Variants in SH3BP2 observed in about 807,000 individuals in gnomAD.
SH3BP2 encodes SH3 domain-binding protein 2.
Under a neutral mutation model 56.2 loss-of-function variants are expected in SH3BP2, and 38 were observed. The ratio of observed to expected loss-of-function variants is 0.68; its 90% CI spans 0.52 to 0.89. The LOEUF is 0.89. Ranked by LOEUF, SH3BP2 falls within the 40% of genes least tolerant of loss-of-function variation. The pLI, the probability that SH3BP2 is intolerant of heterozygous loss-of-function variation, is 0.00. For missense variants in SH3BP2, 748 were observed against 762.6 expected, an observed-to-expected ratio of 0.98 and a Z score of 0.23; for synonymous variants, 346 against 316.7, an observed-to-expected ratio of 1.09 and a Z score of -0.98.
In SH3BP2 at chr4:2,833,871, A is replaced by G. The variant is rs1306871669; in HGVS notation, c.*37A>G. 13 of 1,535,416 alleles carry G rather than the reference A, an allele frequency of 8.5e-6. No individual in the cohort carries two copies. The highest frequency in any genetic ancestry group is 1.4e-5 in the African/African-American group (1 of 72,890). On this transcript the variant is annotated 3_prime_UTR_variant, in exon 13 of 13. Transcript: ENST00000503393. ...GTGGCTGCCAGGCCAAGGCAGTCACAGGGGCCCTGACCCCAGGCCACACAG... is the reference window on the plus strand; with the variant it reads ...GTGGCTGCCAGGCCAAGGCAGTCACGGGGGCCCTGACCCCAGGCCACACAG...
intron 1 of SH3BP2, chr4:2,818,882 T>C (rs2108723618): frequency 1.0e-6 from 1 of 985,608 alleles, no homozygotes; most frequent in South Asian, 4.7e-5. Context: ...TCTTGCACTT[T>C]TGTTGGAGGG....
rs1409351310 is a variant in SH3BP2, at chr4:2,834,970, A to G, written c.*1136A>G. 6.6e-6 allele frequency: 1 copy of G among 152,332 alleles called. No individual in the cohort carries two copies. Among genetic ancestry groups the G allele is most frequent in the Non-Finnish European group, 1.5e-5 (1 of 68,132 alleles). The allele number at this position is 152,332 out of a possible 1,614,324, so 9.4% of individuals were successfully genotyped here. A position where few individuals can be genotyped will look rare whatever the true frequency, so the allele number is the denominator to read the frequency against. Reference sequence around the variant, plus strand: ...AGGGACGGTGGTACCCAGATGCCCAAGTCTTCCAGGCAATACCTGGCTCAG... The same window carrying G: ...AGGGACGGTGGTACCCAGATGCCCAGGTCTTCCAGGCAATACCTGGCTCAG... On this transcript the variant is annotated 3_prime_UTR_variant, in exon 13 of 13. Coordinates refer to ENST00000503393, the MANE Select transcript of SH3BP2 (RefSeq NM_001122681.2).
intron 1 of SH3BP2, among the ~76,000 whole-genome samples, chr4:2,793,493 C>G (rs1260836662): frequency 1.4e-4 from 21 of 145,178 alleles, no homozygotes; most frequent in African/African-American, 4.9e-4. Flanking sequence ...GGGCAGTGCC[C>G]GAGGGAGCGC....
chr4:2,823,296 G>GC (rs1724409950), intron 3 of SH3BP2: 3 of 567,338 alleles, frequency 5.3e-6, no homozygotes, highest in Non-Finnish European at 1.0e-5. Context: ...GGCCTGGACA[G>GC]CCTGCTCTCC....
chr4:2,803,813 C>T (rs115369762), intron 1 of SH3BP2, among the ~76,000 whole-genome samples: 7,346 of 152,246 alleles, frequency 0.048, 213 homozygotes, highest in Admixed American at 0.074. Flanking sequence ...GCTCCCAGGA[C>T]GCTGGCGGAT....
intron 1 of SH3BP2, chr4:2,796,320 G>A: frequency 1.4e-6 from 1 of 739,178 alleles, no homozygotes; most frequent in Non-Finnish European, 1.7e-6. Flanking sequence ...AGGTGGTGCA[G>A]GCTCCCAGGA....
chr4:2,806,669 C>T (rs919073649), intron 1 of SH3BP2, among the ~76,000 whole-genome samples: 5 of 152,224 alleles, frequency 3.3e-5, no homozygotes, highest in Non-Finnish European at 4.4e-5. Context: ...GCCCTGGCCT[C>T]CTCCCTCCAG....
intron 12 of SH3BP2, 54 bp downstream of exon 12, chr4:2,833,103 C>G (rs1725085513): frequency 6.5e-7 from 1 of 1,537,164 alleles, no homozygotes; most frequent in East Asian, 2.2e-5. Flanking sequence ...TGGCAAGGGG[C>G]AGGGCAGAAT....
Position 2,829,413 on chromosome 4 carries a change from G to T in SH3BP2, c.587-80G>T. 6.6e-7 allele frequency: 1 copy of T among 1,510,236 alleles called. No homozygotes were observed. Among genetic ancestry groups the T allele is most frequent in the South Asian group, 1.1e-5 (1 of 88,990 alleles). 93.6% of individuals were successfully genotyped at this position (1,510,236 alleles called of 1,614,324 possible). A position where few individuals can be genotyped will look rare whatever the true frequency, so the allele number is the denominator to read the frequency against. On this transcript the variant is annotated intron_variant, in intron 7 of 12. Coordinates refer to ENST00000503393, the MANE Select transcript of SH3BP2 (RefSeq NM_001122681.2). This position sits in a 1 kb window ranked among gnomAD's most constrained non-coding sequence, Gnocchi z 4.9. ...CTACCATGGGTTGCACTCCTGGTTG[G>T]CCTGGCTGACCACTGCCAGCAGAGG...
rs906524362 is a variant in SH3BP2, at chr4:2,804,544, G to A, written c.-5+11406G>A. ...AGCCCCTGCTTCCCCAGGCCTTCCTGTCCTGCTGAGCTGGGCCCTGCGGTA... is the reference window on the plus strand; with the variant it reads ...AGCCCCTGCTTCCCCAGGCCTTCCTATCCTGCTGAGCTGGGCCCTGCGGTA... On this transcript the variant is annotated intron_variant, in intron 1 of 12. Coordinates refer to ENST00000503393, the MANE Select transcript of SH3BP2 (RefSeq NM_001122681.2). 1.2e-4 allele frequency among the ~76,000 whole-genome samples: 18 copies of A among 152,180 alleles called. 1 individual carries two copies. The highest frequency in any genetic ancestry group is 1.2e-3 in the Admixed American group (18 of 15,282).
intron 1 of SH3BP2, among the ~76,000 whole-genome samples, chr4:2,801,357 G>T (rs1215223310): frequency 1.3e-5 from 2 of 152,234 alleles, no homozygotes; most frequent in Non-Finnish European, 2.9e-5. Context: ...GGGCCCCGAG[G>T]CTCTGGGGTT....
intron 11 of SH3BP2, 23 bp downstream of exon 11, chr4:2,832,435 C>A: frequency 6.3e-7 from 1 of 1,595,214 alleles, no homozygotes; most frequent in Non-Finnish European, 8.6e-7. Flanking sequence ...GGAAGATGCC[C>A]CAGGGCCCCT....
chr4:2,836,945 C>G lies in SH3BP2; in HGVS notation c.*3111C>G, dbSNP rs886059370. The G allele has an allele frequency of 6.6e-6, 1 of 152,280 alleles. No homozygotes were observed. Among genetic ancestry groups the G allele is most frequent in the Non-Finnish European group, 1.5e-5 (1 of 68,066 alleles). The allele number at this position is 152,280 out of a possible 1,614,324, so 9.4% of individuals were successfully genotyped here. ...CCCCAGTGGCTTTGGGAAGCACCCC[C>G]AGCCCAGGGTGAAACATGCTTCTTC... On this transcript the variant is annotated 3_prime_UTR_variant, in exon 13 of 13. Transcript: ENST00000503393.
Position 2,830,626 on chromosome 4 carries a change from G to A in SH3BP2, c.1241+479G>A, listed in dbSNP as rs1014527406. 5.9e-5 allele frequency among the ~76,000 whole-genome samples: 9 copies of A among 152,254 alleles called. 1 individual carries two copies. Among genetic ancestry groups the A allele is most frequent in the Admixed American group, 5.2e-4 (8 of 15,292 alleles). On this transcript the variant is annotated intron_variant, in intron 8 of 12. Coordinates refer to ENST00000503393, the MANE Select transcript of SH3BP2 (RefSeq NM_001122681.2). Reference sequence around the variant, plus strand: ...GATCCGCCTGCCTCGGCCTCTCAAAGTGTAGAGATTACGGGCGTGAGCCAC... The same window carrying A: ...GATCCGCCTGCCTCGGCCTCTCAAAATGTAGAGATTACGGGCGTGAGCCAC...
At chr4:2,817,924 A>G (rs923413808) in intron 1 of SH3BP2, 10 of 152,084 alleles carry the variant, frequency 6.6e-5, no homozygotes, top group South Asian at 2.1e-4. Flanking sequence ...CCGGCCGTGG[A>G]TTTCCAACCA....
At chr4:2,796,474 G>T (rs1442541874) in intron 1 of SH3BP2, 1 of 985,154 alleles carries the variant, frequency 1.0e-6, no homozygotes, top group Non-Finnish European at 1.2e-6. Context: ...ACGCCCTGAG[G>T]TGACTGGCCC....
chr4:2,822,784 G>A lies in SH3BP2; in HGVS notation c.137-151G>A, dbSNP rs145635691. 284 of 679,826 alleles carry A rather than the reference G, an allele frequency of 4.2e-4. 2 individuals carry two copies. The East Asian group carries it at 7.7e-3, about 18-fold the overall frequency. The allele number at this position is 679,826 out of a possible 1,614,324, so 42.1% of individuals were successfully genotyped here. A position where few individuals can be genotyped will look rare whatever the true frequency, so the allele number is the denominator to read the frequency against. On this transcript the variant is annotated intron_variant, in intron 2 of 12. Coordinates refer to ENST00000503393, the MANE Select transcript of SH3BP2 (RefSeq NM_001122681.2). ...CCCCAGAGTGGGCTCCTGGGGAGGG[G>A]GCAGCATGCCAGCCTTGCTCCCTGC...
chr4:2,798,920 T>C, intron 1 of SH3BP2: 1 of 898,652 alleles, frequency 1.1e-6, no homozygotes, highest in Non-Finnish European at 1.3e-6. Flanking sequence ...CCTCATGGGA[T>C]GCGTGAGGGT....
chr4:2,811,317 C>T (rs530530341), intron 1 of SH3BP2, among the ~76,000 whole-genome samples: 2 of 152,344 alleles, frequency 1.3e-5, no homozygotes, highest in South Asian at 2.1e-4. Flanking sequence ...GGAAGCCTGG[C>T]GGGCAAGATG....
Sources: gnomAD v4.1 joint callset for allele counts (sites outside exome capture counted in the v4.1 genomes callset) on GRCh38, gnomAD v4.1.1 for gene constraint, Gnocchi (gnomAD v3.1) non-coding constraint, MANE v1.5 for transcripts, NCBI Gene and HGNC (gene_info 2026-07-23, HGNC 2026-07-21) for gene names.